The following RBMS2 variants were observed in gnomAD, a reference collection of about 807,000 sequenced individuals.
RBMS2 encodes the protein RNA-binding motif, single-stranded-interacting protein 2.
RBMS2 carries 38 observed loss-of-function variants against 58.4 expected under a neutral mutation model. That is an observed-to-expected ratio of 0.65 (90% CI 0.50 to 0.85). The LOEUF (loss-of-function observed/expected upper bound fraction) is 0.85, where lower values mean the gene tolerates loss of function less well. Among genes scored for constraint, RBMS2 ranks in the 40% least tolerant of loss-of-function variants. The pLI, the probability that RBMS2 is intolerant of heterozygous loss-of-function variation, is 0.00. For synonymous variants in RBMS2, 151 were observed against 180.7 expected, an observed-to-expected ratio of 0.84 and a Z score of 1.32; for missense variants, 367 against 503.7, an observed-to-expected ratio of 0.73 and a Z score of 2.60.
At chr12:56,536,236 A>C (rs1228227355) in intron 1 of RBMS2, among the ~76,000 whole-genome samples, 1 of 147,366 alleles carries the variant, frequency 6.8e-6, no homozygotes, top group Non-Finnish European at 1.5e-5. Context: ...AAATCCCAGC[A>C]CTCTGGAAGG....
intron 1 of RBMS2, among the ~76,000 whole-genome samples, chr12:56,553,238 G>T (rs114479891): frequency 4.6e-5 from 7 of 151,162 alleles, no homozygotes; most frequent in Admixed American, 6.6e-5. Context: ...TTGAGACAGA[G>T]TATCACTCTA....
chr12:56,569,673 C>G (rs1350730003), intron 3 of RBMS2, among the ~76,000 whole-genome samples: 1 of 152,136 alleles, frequency 6.6e-6, no homozygotes, highest in Non-Finnish European at 1.5e-5. Context: ...GGGAGAAGGG[C>G]AGGGACACCA....
chr12:56,570,731 T>C (rs545147211), intron 4 of RBMS2, among the ~76,000 whole-genome samples: 2 of 152,278 alleles, frequency 1.3e-5, no homozygotes, highest in South Asian at 2.1e-4. Flanking sequence ...GCACCCGCCA[T>C]CACCTCCAGC....
At chr12:56,576,777 G>A (rs1883186148) in intron 5 of RBMS2, among the ~76,000 whole-genome samples, 2 of 152,014 alleles carry the variant, frequency 1.3e-5, no homozygotes, top group Non-Finnish European at 2.9e-5. Context: ...GGTGGCTCAT[G>A]CCTGTATAAT....
intron 1 of RBMS2, among the ~76,000 whole-genome samples, chr12:56,535,568 T>G (rs1316988759): frequency 6.6e-6 from 1 of 152,008 alleles, no homozygotes; most frequent in East Asian, 1.9e-4. Context: ...AACTCTCAAC[T>G]TGGACTGGAA....
intron 2 of RBMS2, among the ~76,000 whole-genome samples, chr12:56,564,743 A>C (rs1425307537): frequency 6.6e-6 from 1 of 152,128 alleles, no homozygotes; most frequent in African/African-American, 2.4e-5. Context: ...GGAGGCCAAG[A>C]TGGGTGGATC....
rs190504342 is a variant in RBMS2 at position 56,592,556 on chromosome 12, G to C, written c.*3423G>C. On this transcript the variant is annotated 3_prime_UTR_variant, in exon 14 of 14. Transcript: ENST00000262031. ...GACAGAGTCTTGCTCTGTCGCCCAG[G>C]CTGGAGTGCAATGGCACGATCTCGG... is the stretch of plus-strand genomic sequence containing the variant. The C allele has an allele frequency of 2.5e-3, 388 of 152,446 alleles. 1 individual carries two copies. The highest frequency in any genetic ancestry group is 3.1e-3 in the Non-Finnish European group (211 of 68,138). The allele number at this position is 152,446 out of a possible 1,614,324, so 9.4% of individuals were successfully genotyped here.
upstream of RBMS2, among the ~76,000 whole-genome samples, chr12:56,521,500 C>CTTTTTTTTTTT (rs1871713749): frequency 2.2e-5 from 2 of 92,472 alleles, no homozygotes; most frequent in African/African-American, 4.7e-5. Flanking sequence ...CACTCTAACT[C>CTTTTTTTTTTT]TGTTTTTTTT....
chr12:56,537,956 A>G (rs375880875), intron 1 of RBMS2, among the ~76,000 whole-genome samples: 25 of 150,810 alleles, frequency 1.7e-4, no homozygotes, highest in African/African-American at 5.4e-4. Flanking sequence ...GTCTTTTCAC[A>G]TTTGTGAAAT....
intron 1 of RBMS2, among the ~76,000 whole-genome samples, chr12:56,524,504 G>A (rs759384214): frequency 1.3e-5 from 2 of 150,564 alleles, no homozygotes; most frequent in African/African-American, 2.5e-5. Flanking sequence ...TGCAGCCTCC[G>A]CCTCCCAGGT....
At chr12:56,588,685 C>G in intron 12 of RBMS2, 1 of 591,898 alleles carries the variant, frequency 1.7e-6, no homozygotes, top group Non-Finnish European at 3.0e-6. Context: ...GAGGCCCTTC[C>G]TTACATTTGG....
At chr12:56,546,458 A>G (rs965841826) in intron 1 of RBMS2, among the ~76,000 whole-genome samples, 1 of 146,078 alleles carries the variant, frequency 6.8e-6, no homozygotes, top group African/African-American at 2.5e-5. Flanking sequence ...ATAAAATAAT[A>G]TAAAATAAAT....
chr12:56,537,803 G>T (rs944124610), intron 1 of RBMS2, among the ~76,000 whole-genome samples: 1 of 149,824 alleles, frequency 6.7e-6, no homozygotes, highest in Non-Finnish European at 1.5e-5. Context: ...ACTGCACAAG[G>T]GTTCCAATTT....
chr12:56,536,531 TTCTC>T (rs112752570), intron 1 of RBMS2, among the ~76,000 whole-genome samples: 2 of 151,316 alleles, frequency 1.3e-5, no homozygotes, highest in Non-Finnish European at 1.5e-5. Flanking sequence ...CTTCTTTCTT[TTCTC>T]TCTTTCTCTC....
intron 1 of RBMS2, among the ~76,000 whole-genome samples, chr12:56,556,102 G>A (rs530630989): frequency 4.0e-5 from 6 of 151,430 alleles, no homozygotes; most frequent in Non-Finnish European, 8.8e-5. Context: ...CCTATAAATT[G>A]GTGGTGTAGT....
chr12:56,547,340 A>G, intron 1 of RBMS2, among the ~76,000 whole-genome samples: 1 of 150,830 alleles, frequency 6.6e-6, no homozygotes, highest in Non-Finnish European at 1.5e-5. Context: ...GGGCAATGAG[A>G]GCGAAACTCC....
intron 1 of RBMS2, among the ~76,000 whole-genome samples, chr12:56,535,555 C>A (rs368134764): frequency 6.6e-6 from 1 of 151,514 alleles, no homozygotes; most frequent in African/African-American, 2.4e-5. Context: ...ACCCGTATGA[C>A]GGAACTCTCA....
intron 1 of RBMS2, among the ~76,000 whole-genome samples, chr12:56,546,983 C>G (rs1259657231): frequency 6.6e-6 from 1 of 152,044 alleles, no homozygotes; most frequent in Non-Finnish European, 1.5e-5. Flanking sequence ...TTATTATAGC[C>G]ATTCTAGTAG....
In RBMS2 at chr12:56,590,054, G is replaced by A. The variant is rs1422005501; in HGVS notation, c.*921G>A. 3 of 152,254 alleles carry A rather than the reference G, an allele frequency of 2.0e-5. No homozygotes were observed. The highest frequency in any genetic ancestry group is 7.2e-5 in the African/African-American group (3 of 41,458). The allele number at this position is 152,254 out of a possible 1,614,324, so 9.4% of individuals were successfully genotyped here. ...ACACACCCTTGAGCCAAACTTGGTT[G>A]AAGACTAGGTCTTCCCTGGCAAGTT... On this transcript the variant is annotated 3_prime_UTR_variant, in exon 14 of 14. Transcript: ENST00000262031.
Sources: allele counts gnomAD v4.1 joint callset (sites outside exome capture counted in the v4.1 genomes callset), GRCh38; gene constraint gnomAD v4.1.1; transcripts MANE v1.5; gene names NCBI Gene and HGNC (gene_info 2026-07-23, HGNC 2026-07-21).